Variants in DPP10 observed in about 807,000 individuals in gnomAD.
The protein encoded by DPP10 is inactive dipeptidyl peptidase 10.
A neutral mutation model predicts 120.9 loss-of-function variants in DPP10; 33 were observed. The observed-to-expected ratio is 0.27, with a 90% CI of 0.21 to 0.37. The LOEUF (loss-of-function observed/expected upper bound fraction) is 0.37, where lower values mean the gene tolerates loss of function less well. Among genes scored for constraint, DPP10 ranks in the 10% least tolerant of loss-of-function variants. The probability of loss-of-function intolerance (pLI) is 1.00; values close to 1 mark genes in which losing one functional copy is unlikely to be tolerated. For missense variants in DPP10, 816 were observed against 942.8 expected (o/e 0.87, Z 1.76); for synonymous variants, 337 against 326.1 (o/e 1.03, Z -0.36).
chr2:114,946,542 A>C (rs1397498188), intron 1 of DPP10, among the ~76,000 whole-genome samples: 4 of 152,152 alleles, frequency 2.6e-5, no homozygotes, highest in African/African-American at 7.2e-5. Flanking sequence ...AGTAAATAAA[A>C]ATATCCCCTA....
At chr2:115,422,302 C>G (rs1279765583) in intron 3 of DPP10, among the ~76,000 whole-genome samples, 1 of 152,140 alleles carries the variant, frequency 6.6e-6, no homozygotes, top group Non-Finnish European at 1.5e-5. Context: ...TTTTTTCTCT[C>G]CAAGAATACA....
intron 21 of DPP10, among the ~76,000 whole-genome samples, chr2:115,829,073 A>G (rs922662894): frequency 3.3e-5 from 5 of 152,144 alleles, no homozygotes; most frequent in African/African-American, 9.7e-5. Context: ...AAACTTGGCA[A>G]ACTCTTCTCA....
intron 1 of DPP10, among the ~76,000 whole-genome samples, chr2:114,905,238 T>C (rs1693869387): frequency 1.3e-5 from 2 of 151,984 alleles, no homozygotes; most frequent in African/African-American, 4.8e-5. Flanking sequence ...TTTTGTAGGA[T>C]TGTGTTGAGT....
chr2:114,455,155 A>ATT (rs1558772943), intron 1 of DPP10, among the ~76,000 whole-genome samples: 3 of 104,512 alleles, frequency 2.9e-5, no homozygotes, highest in African/African-American at 1.4e-4. Context: ...TTTTCTTTCT[A>ATT]TTGTGTGTGT....
chr2:115,095,574 G>GTTTTTTTTTTTTTTTTT (rs924847937), intron 1 of DPP10, among the ~76,000 whole-genome samples: 1 of 137,722 alleles, frequency 7.3e-6, no homozygotes. Flanking sequence ...ATTCTGTTTG[G>GTTTTTTTTTTTTTTTTT]TTTTTTTTTT....
intron 5 of DPP10, among the ~76,000 whole-genome samples, chr2:115,552,824 C>T (rs764731081): frequency 7.9e-5 from 12 of 152,112 alleles, no homozygotes; most frequent in East Asian, 1.9e-4. Context: ...AGACATAAGG[C>T]AGGGAAGACC....
At chr2:115,837,126 G>A (rs571872866) in intron 24 of DPP10, among the ~76,000 whole-genome samples, 2 of 152,240 alleles carry the variant, frequency 1.3e-5, no homozygotes, top group South Asian at 2.1e-4. Context: ...GTGTTATTCA[G>A]CACACCTAAA....
intron 1 of DPP10, among the ~76,000 whole-genome samples, chr2:115,035,584 T>G (rs1229916098): frequency 6.6e-6 from 1 of 152,212 alleles, no homozygotes; most frequent in African/African-American, 2.4e-5. Context: ...CATTTCACTT[T>G]CTCAGCCAAC....
At chr2:115,115,095 T>A (rs1235825166) in intron 1 of DPP10, among the ~76,000 whole-genome samples, 2 of 152,002 alleles carry the variant, frequency 1.3e-5, no homozygotes, top group African/African-American at 4.8e-5. Flanking sequence ...TGTGTGCACA[T>A]ATCCGATATG....
chr2:115,468,863 T>C, intron 3 of DPP10: 1 of 411,422 alleles, frequency 2.4e-6, no homozygotes, highest in Non-Finnish European at 4.7e-6. Context: ...CACTCAAGAC[T>C]GCCACAGAAG....
intron 1 of DPP10, among the ~76,000 whole-genome samples, chr2:115,230,818 C>T (rs1024880198): frequency 4.6e-5 from 7 of 151,962 alleles, no homozygotes; most frequent in South Asian, 4.1e-4. Flanking sequence ...TAACATGGCT[C>T]ATAGTTTGCT....
chr2:114,808,436 A>G (rs1330961827), intron 1 of DPP10, among the ~76,000 whole-genome samples: 1 of 152,136 alleles, frequency 6.6e-6, no homozygotes, highest in Non-Finnish European at 1.5e-5. Context: ...CAGCTTTATG[A>G]GATACCATCA....
intron 15 of DPP10, 89 bp from the exon 16 acceptor site, chr2:115,780,785 T>A (rs1439542387): frequency 3.1e-6 from 4 of 1,275,534 alleles, no homozygotes; most frequent in Non-Finnish European, 3.2e-6. Flanking sequence ...GTAACTCCCT[T>A]GTTTATATTA....
rs2049312762 is a variant in DPP10, at chr2:115,113,086, G to A, written c.61-196153G>A. Among the ~76,000 whole-genome samples, 8 of 152,012 alleles carry A rather than the reference G, an allele frequency of 5.3e-5. No homozygotes were observed. In the South Asian group the frequency reaches 1.7e-3, roughly 31 times the overall value. ...AAGTGACTAAGTTACGTGTGTGTGT[G>A]TGGTATATTTGTGTGTGTTGTGTCA... On this transcript the variant is annotated intron_variant, in intron 1 of 25. Coordinates refer to ENST00000410059, the MANE Select transcript of DPP10 (RefSeq NM_020868.6).
intron 1 of DPP10, among the ~76,000 whole-genome samples, chr2:115,248,707 A>G (rs1357123004): frequency 6.6e-6 from 1 of 152,164 alleles, no homozygotes; most frequent in Admixed American, 6.6e-5. Context: ...TTTCATTAAT[A>G]TCTAAAAAGC....
intron 3 of DPP10, among the ~76,000 whole-genome samples, chr2:115,438,637 C>A (rs1399299674): frequency 1.3e-5 from 2 of 152,208 alleles, no homozygotes; most frequent in East Asian, 3.8e-4. Flanking sequence ...TGAAATAAAG[C>A]AGACACAAAT....
At chr2:114,939,480 G>A (rs1696735453) in intron 1 of DPP10, among the ~76,000 whole-genome samples, 1 of 151,542 alleles carries the variant, frequency 6.6e-6, no homozygotes, top group Non-Finnish European at 1.5e-5. Flanking sequence ...TTAAATTATT[G>A]TGACTACCTT....
chr2:115,065,911 T>C (rs998904605), intron 1 of DPP10, among the ~76,000 whole-genome samples: 2 of 152,220 alleles, frequency 1.3e-5, no homozygotes, highest in African/African-American at 4.8e-5. Context: ...GTTTGGTAGA[T>C]AATCCTTTAA....
chr2:115,491,476 G>C (rs1235934569), intron 3 of DPP10, among the ~76,000 whole-genome samples: 1 of 152,094 alleles, frequency 6.6e-6, no homozygotes, highest in Non-Finnish European at 1.5e-5. Flanking sequence ...TTTAGGGTGA[G>C]AAGGCTTACC....
Sources: gnomAD v4.1 joint callset for allele counts (sites outside exome capture counted in the v4.1 genomes callset) on GRCh38, gnomAD v4.1.1 for gene constraint, MANE v1.5 for transcripts, NCBI Gene and HGNC (gene_info 2026-07-23, HGNC 2026-07-21) for gene names.